The following DOCK3 variants were observed in gnomAD, a reference collection of about 807,000 sequenced individuals.
DOCK3 encodes the protein dedicator of cytokinesis 3, also known as dedicator of cytokinesis protein 3.
In DOCK3, 60 loss-of-function variants were observed where a neutral mutation model predicts 265.6. The observed-to-expected ratio is 0.23, with a 90% CI of 0.18 to 0.28. The LOEUF (loss-of-function observed/expected upper bound fraction) is 0.28, where lower values mean the gene tolerates loss of function less well. Among genes scored for constraint, DOCK3 ranks in the 10% least tolerant of loss-of-function variants. DOCK3 has a pLI of 1.00. For missense variants in DOCK3, 1,981 were observed against 2,594.3 expected, an observed-to-expected ratio of 0.76 and a Z score of 5.14; for synonymous variants, 881 against 938.0, an observed-to-expected ratio of 0.94 and a Z score of 1.11.
At chr3:50,977,469 G>A (rs1223384404) in intron 5 of DOCK3, among the ~76,000 whole-genome samples, 1 of 152,128 alleles carries the variant, frequency 6.6e-6, no homozygotes, top group East Asian at 1.9e-4. Context: ...TTGAATATTG[G>A]CCCCCACTGT....
intron 2 of DOCK3, among the ~76,000 whole-genome samples, chr3:50,836,073 A>T (rs1267618340): frequency 1.3e-5 from 2 of 152,344 alleles, no homozygotes; most frequent in African/African-American, 4.8e-5. Context: ...TGATACACCC[A>T]AAAGTAAAAA....
chr3:51,089,626 G>A (rs1399761993), intron 8 of DOCK3, among the ~76,000 whole-genome samples: 3 of 152,000 alleles, frequency 2.0e-5, no homozygotes, highest in Admixed American at 1.3e-4. Flanking sequence ...ATGGTTTTCC[G>A]GGCTGGGCGT....
chr3:51,355,584 TG>T (rs777630960), intron 41 of DOCK3, among the ~76,000 whole-genome samples: 4 of 152,312 alleles, frequency 2.6e-5, no homozygotes, highest in Non-Finnish European at 2.9e-5. Flanking sequence ...ACAGCTTCCT[TG>T]GGGACCACAT....
At chr3:51,084,716 A>T (rs1248438848) in intron 7 of DOCK3, among the ~76,000 whole-genome samples, 3 of 152,182 alleles carry the variant, frequency 2.0e-5, no homozygotes, top group Non-Finnish European at 4.4e-5. Flanking sequence ...TTACCATCAT[A>T]AAAAAACCAC....
chr3:50,821,966 T>C (rs1302688702), intron 2 of DOCK3, among the ~76,000 whole-genome samples: 2 of 152,248 alleles, frequency 1.3e-5, no homozygotes, highest in Non-Finnish European at 2.9e-5. Flanking sequence ...TTCTTTTTGC[T>C]TAGGATTGCT....
chr3:51,265,666 ACT>A, intron 23 of DOCK3, among the ~76,000 whole-genome samples: 1 of 152,186 alleles, frequency 6.6e-6, no homozygotes, highest in Non-Finnish European at 1.5e-5. Flanking sequence ...CATGCTAAAA[ACT>A]CTCAATAAAC....
At chr3:50,682,994 AT>A (rs2034521457) in intron 1 of DOCK3, among the ~76,000 whole-genome samples, 1 of 152,242 alleles carries the variant, frequency 6.6e-6, no homozygotes, top group Non-Finnish European at 1.5e-5. Context: ...CTATCTTTGC[AT>A]TCTTGGCAGA....
intron 2 of DOCK3, among the ~76,000 whole-genome samples, chr3:50,811,411 A>G (rs913864788): frequency 1.3e-5 from 2 of 152,094 alleles, no homozygotes; most frequent in Non-Finnish European, 2.9e-5. Flanking sequence ...TAGGAAGGAA[A>G]GAAGGAAGGG....
chr3:50,942,497 C>G (rs916491347), intron 5 of DOCK3, among the ~76,000 whole-genome samples: 1 of 151,826 alleles, frequency 6.6e-6, no homozygotes, highest in African/African-American at 2.4e-5. Flanking sequence ...TAAATTGACT[C>G]CAAAAACAGT....
At chr3:50,765,096 T>A (rs2040787358) in intron 1 of DOCK3, among the ~76,000 whole-genome samples, 1 of 145,908 alleles carries the variant, frequency 6.9e-6, no homozygotes, top group South Asian at 2.2e-4. Context: ...TTTTTTTTTT[T>A]TTTGAGACAG....
At chr3:50,999,282 G>C (rs2078389057) in intron 5 of DOCK3, among the ~76,000 whole-genome samples, 1 of 152,120 alleles carries the variant, frequency 6.6e-6, no homozygotes, top group Non-Finnish European at 1.5e-5. Context: ...CCAAAGAGAG[G>C]GTTCGTTGAA....
At chr3:51,001,904 T>C (rs1355767249) in intron 5 of DOCK3, among the ~76,000 whole-genome samples, 1 of 151,964 alleles carries the variant, frequency 6.6e-6, no homozygotes, top group Admixed American at 6.6e-5. Context: ...TTGAGCATCT[T>C]TTCATGACTC....
rs141143702 is a variant in DOCK3, at chr3:50,723,220, A to G, written c.37+47920A>G. ...TATGAAGCAGTCTATACACAGGTCCATAGAGATTACCCATACCAAACCGTA... is the reference window on the plus strand; with the variant it reads ...TATGAAGCAGTCTATACACAGGTCCGTAGAGATTACCCATACCAAACCGTA... On this transcript the variant is annotated intron_variant, in intron 1 of 52. Coordinates refer to ENST00000266037, the MANE Select transcript of DOCK3 (RefSeq NM_004947.5). Among the ~76,000 whole-genome samples, 18 of 152,344 alleles carry G rather than the reference A, an allele frequency of 1.2e-4. No individual in the cohort carries two copies. The East Asian group carries it at 3.5e-3, about 29-fold the overall frequency.
At chr3:50,683,823 C>A (rs1486767236) in intron 1 of DOCK3, among the ~76,000 whole-genome samples, 1 of 37,108 alleles carries the variant, frequency 2.7e-5, no homozygotes, top group Non-Finnish European at 9.6e-5. Flanking sequence ...CTCCCCTCCC[C>A]TCCCCGCTCT....
chr3:51,361,210 A>T lies in DOCK3; in HGVS notation c.5006+578A>T, dbSNP rs898545397. 1.3e-5 allele frequency among the ~76,000 whole-genome samples: 2 copies of T among 152,238 alleles called. No homozygotes were observed. Among genetic ancestry groups the T allele is most frequent in the South Asian group, 4.1e-4 (2 of 4,828 alleles). ...TGAAAGCCTCTAGGCCAGGAAGGCC[A>T]AGTTGGAGGAGGAGACTAGTGAGAG... On this transcript the variant is annotated intron_variant, in intron 47 of 52. Coordinates refer to ENST00000266037, the MANE Select transcript of DOCK3 (RefSeq NM_004947.5). The surrounding 1 kb of genome is among the most constrained non-coding windows in gnomAD (Gnocchi z 4.2).
chr3:51,380,907 G>C (rs782549684), intron 52 of DOCK3, 143 bp from the exon 53 acceptor site: 340 of 1,082,156 alleles, frequency 3.1e-4, no homozygotes, highest in Non-Finnish European at 4.2e-4. Context: ...GGAGGAGCTG[G>C]GAGCTTGCTG....
intron 2 of DOCK3, among the ~76,000 whole-genome samples, chr3:50,829,144 A>G (rs987192232): frequency 3.9e-5 from 6 of 152,054 alleles, no homozygotes; most frequent in Non-Finnish European, 8.8e-5. Context: ...TTTGCTGCGC[A>G]TTGTTTCAGT....
At chr3:51,041,751 T>C (rs747850830) in intron 5 of DOCK3, among the ~76,000 whole-genome samples, 10 of 152,300 alleles carry the variant, frequency 6.6e-5, no homozygotes, top group Non-Finnish European at 1.3e-4. Context: ...AAACTAGCTG[T>C]AAACAGATAG....
intron 3 of DOCK3, among the ~76,000 whole-genome samples, chr3:50,867,426 T>C (rs576674282): frequency 8.5e-5 from 13 of 152,284 alleles, no homozygotes; most frequent in South Asian, 4.1e-4. Flanking sequence ...TTCTGTTGTC[T>C]GATTGCTGTA....
Sources: allele counts gnomAD v4.1 joint callset (sites outside exome capture counted in the v4.1 genomes callset), GRCh38; gene constraint gnomAD v4.1.1; non-coding constraint Gnocchi (gnomAD v3.1); transcripts MANE v1.5; gene names NCBI Gene and HGNC (gene_info 2026-07-23, HGNC 2026-07-21).